The following ANKRD17 variants were observed in gnomAD, a reference collection of about 807,000 sequenced individuals.
The protein encoded by ANKRD17 is ankyrin repeat domain-containing protein 17.
A neutral mutation model predicts 229.7 loss-of-function variants in ANKRD17; 19 were observed. The observed-to-expected ratio is 0.08, with a 90% CI of 0.06 to 0.12. ANKRD17 has a LOEUF of 0.12. ANKRD17 is among the 10% of genes least tolerant of loss of function. ANKRD17 has a pLI of 1.00. For missense variants in ANKRD17, 2,176 were observed against 3,176.8 expected, an observed-to-expected ratio of 0.68 and a Z score of 7.57; for synonymous variants, 1,112 against 1,146.1, an observed-to-expected ratio of 0.97 and a Z score of 0.60.
intron 18 of ANKRD17, among the ~76,000 whole-genome samples, chr4:73,124,034 A>G (rs1322341557): frequency 6.6e-6 from 1 of 152,116 alleles, no homozygotes; most frequent in East Asian, 1.9e-4. Context: ...TGAAGATAGA[A>G]AAGGTTAAAC....
chr4:73,151,356 G>C, intron 7 of ANKRD17, 74 bp downstream of exon 7: 1 of 1,307,572 alleles, frequency 7.6e-7, no homozygotes, highest in Non-Finnish European at 1.1e-6. Flanking sequence ...CCATTGGAAA[G>C]GCATTCATTG....
chr4:73,170,592 C>A (rs1053009350), intron 2 of ANKRD17, among the ~76,000 whole-genome samples: 1 of 152,014 alleles, frequency 6.6e-6, no homozygotes, highest in African/African-American at 2.4e-5. Flanking sequence ...TATTCCAAGG[C>A]TTGGCACTTA....
chr4:73,117,806 G>A (rs1726153124), intron 22 of ANKRD17, among the ~76,000 whole-genome samples: 1 of 152,128 alleles, frequency 6.6e-6, no homozygotes, highest in Non-Finnish European at 1.5e-5. Context: ...GGATTTAAGA[G>A]ATCAATGGAT....
intron 10 of ANKRD17, among the ~76,000 whole-genome samples, chr4:73,145,448 G>A (rs1321936498): frequency 2.0e-5 from 3 of 152,154 alleles, no homozygotes; most frequent in Middle Eastern, 3.4e-3. Flanking sequence ...TGATTACTAA[G>A]TAATCAAGAA....
At chr4:73,111,452 C>T (rs979326961) in intron 24 of ANKRD17, among the ~76,000 whole-genome samples, 3 of 152,138 alleles carry the variant, frequency 2.0e-5, no homozygotes, top group Admixed American at 6.5e-5. Context: ...CTACTCAGAA[C>T]GGCATGCAAC....
chr4:73,167,084 T>G (rs1021198797), intron 2 of ANKRD17, among the ~76,000 whole-genome samples: 5 of 152,212 alleles, frequency 3.3e-5, no homozygotes, highest in African/African-American at 1.2e-4. Context: ...AATGGTATGG[T>G]GCTTAGATTT....
intron 2 of ANKRD17, among the ~76,000 whole-genome samples, chr4:73,166,801 AT>A (rs967023786): frequency 1.3e-5 from 2 of 151,926 alleles, no homozygotes; most frequent in African/African-American, 4.8e-5. Flanking sequence ...ACTTAAAACA[AT>A]TTTTTTTAAT....
chr4:73,101,259 T>A (rs1314819200), intron 25 of ANKRD17: 1 of 959,432 alleles, frequency 1.0e-6, no homozygotes, highest in African/African-American at 1.8e-5. Context: ...TTCCTTCATT[T>A]GAAGAAATCG....
chr4:73,190,773 A>C (rs1736964869), intron 1 of ANKRD17, among the ~76,000 whole-genome samples: 1 of 152,020 alleles, frequency 6.6e-6, no homozygotes, highest in African/African-American at 2.4e-5. Context: ...ATAAAATGTA[A>C]AATGGAAGAA....
intron 1 of ANKRD17, among the ~76,000 whole-genome samples, chr4:73,208,133 G>A (rs2149140034): frequency 7.3e-6 from 1 of 137,682 alleles, no homozygotes; most frequent in South Asian, 2.3e-4. Flanking sequence ...AGCTTGCAGT[G>A]AGCAGAGATC....
At chr4:73,144,036 T>C (rs1578179415) in intron 11 of ANKRD17, among the ~76,000 whole-genome samples, 1 of 152,318 alleles carries the variant, frequency 6.6e-6, no homozygotes, top group East Asian at 1.9e-4. Flanking sequence ...CCACCACACC[T>C]GGCTTCCTCT....
intron 1 of ANKRD17, among the ~76,000 whole-genome samples, chr4:73,182,385 A>T (rs1180037037): frequency 6.6e-6 from 1 of 152,170 alleles, no homozygotes; most frequent in African/African-American, 2.4e-5. Context: ...TGAAAAAACC[A>T]GACACAAGGA....
intron 1 of ANKRD17, among the ~76,000 whole-genome samples, chr4:73,234,378 T>G (rs901672242): frequency 1.3e-5 from 2 of 152,252 alleles, no homozygotes; most frequent in African/African-American, 4.8e-5. Context: ...AGTATTCTTC[T>G]GAATTATAGC....
chr4:73,137,059 CTCA>C (rs1198831017), intron 15 of ANKRD17, among the ~76,000 whole-genome samples: 1 of 143,302 alleles, frequency 7.0e-6, no homozygotes, highest in African/African-American at 2.6e-5. Context: ...AATCAATTAT[CTCA>C]TCATTTCCTT....
intron 1 of ANKRD17, among the ~76,000 whole-genome samples, chr4:73,199,595 C>T (rs1489922397): frequency 6.6e-6 from 1 of 152,174 alleles, no homozygotes; most frequent in Non-Finnish European, 1.5e-5. Context: ...AAATGTGTCA[C>T]TCCTAAGTCC....
chr4:73,105,323 C>T (rs1724483528), intron 24 of ANKRD17, among the ~76,000 whole-genome samples: 1 of 151,304 alleles, frequency 6.6e-6, no homozygotes, highest in Non-Finnish European at 1.5e-5. Flanking sequence ...TGTGTGTATA[C>T]ATACACACAT....
intron 24 of ANKRD17, among the ~76,000 whole-genome samples, chr4:73,107,132 C>T (rs769408982): frequency 6.6e-6 from 1 of 152,032 alleles, no homozygotes; most frequent in Non-Finnish European, 1.5e-5. Context: ...GATGACAGTG[C>T]TGATACAGCT....
At chr4:73,250,426 C>T (rs953986530) in intron 1 of ANKRD17, among the ~76,000 whole-genome samples, 2 of 151,190 alleles carry the variant, frequency 1.3e-5, no homozygotes, top group African/African-American at 4.9e-5. Context: ...CATGGTGAAA[C>T]CCTAACTCTA....
chr4:73,090,114 G>C (rs1722642679), intron 29 of ANKRD17, among the ~76,000 whole-genome samples: 1 of 152,028 alleles, frequency 6.6e-6, no homozygotes, highest in Non-Finnish European at 1.5e-5. Context: ...TTCTGAGAGA[G>C]AAAAACACGC....
Sources: gnomAD v4.1 joint callset for allele counts (sites outside exome capture counted in the v4.1 genomes callset) on GRCh38, gnomAD v4.1.1 for gene constraint, MANE v1.5 for transcripts, NCBI Gene and HGNC (gene_info 2026-07-23, HGNC 2026-07-21) for gene names.